Variants in ADAM12 observed in about 807,000 individuals in gnomAD.
ADAM12 encodes ADAM metallopeptidase domain 12.
Under a neutral mutation model 106.4 loss-of-function variants are expected in ADAM12, and 70 were observed. The ratio of observed to expected loss-of-function variants is 0.66; its 90% CI spans 0.54 to 0.80. The LOEUF is 0.80. Among genes scored for constraint, ADAM12 ranks in the 30% least tolerant of loss-of-function variants. The pLI, the probability that ADAM12 is intolerant of heterozygous loss-of-function variation, is 0.00. For missense variants in ADAM12, 1,010 were observed against 1,171.9 expected (o/e 0.86, Z 2.02); for synonymous variants, 420 against 433.5 (o/e 0.97, Z 0.39).
rs1044122 is a variant in ADAM12 at position 126,036,209 on chromosome 10, A to G, written c.2466T>C (p.Ala822=). ...TGGCAGGGACGCTAGGTGCACGTGG[A>G]GCCCGGTGGAGGGGAGGAAGCACTC... ...TQRVLPPLHR[A]PRAPSVPARP... is the part of the protein sequence containing the mutation. The change falls in exon 21 of 23, where the codon GCT becomes GCC. Residue 822 remains alanine, a synonymous_variant. Coordinates refer to ENST00000448723, the MANE Select transcript of ADAM12 (RefSeq NM_001288973.2). The G allele has an allele frequency of 0.27, 423,335 of 1,543,738 alleles. 60,376 individuals are homozygous for G. The highest frequency in any genetic ancestry group is 0.42 in the East Asian group (16,449 of 39,256).
intron 3 of ADAM12, among the ~76,000 whole-genome samples, chr10:126,202,996 T>C (rs748944888): frequency 1.3e-5 from 2 of 152,188 alleles, no homozygotes; most frequent in Non-Finnish European, 2.9e-5. Flanking sequence ...ACAGGGGAAA[T>C]TGTGTACAAA....
chr10:126,297,388 T>G (rs1960428766), intron 2 of ADAM12, among the ~76,000 whole-genome samples: 1 of 152,010 alleles, frequency 6.6e-6, no homozygotes, highest in South Asian at 2.1e-4. Flanking sequence ...ACAAAAAATT[T>G]TAAAAAATAT....
chr10:126,358,809 C>A (rs1002467090), intron 1 of ADAM12, among the ~76,000 whole-genome samples: 5 of 151,866 alleles, frequency 3.3e-5, no homozygotes, highest in Non-Finnish European at 7.4e-5. Flanking sequence ...TTGCAGGATA[C>A]AAAATAAACA....
At chr10:126,312,036 G>C (rs1260195672) in intron 2 of ADAM12, among the ~76,000 whole-genome samples, 1 of 150,574 alleles carries the variant, frequency 6.6e-6, no homozygotes, top group Non-Finnish European at 1.5e-5. Flanking sequence ...GGAACCCTTT[G>C]CCTGTGGGGT....
intron 21 of ADAM12, among the ~76,000 whole-genome samples, chr10:126,031,712 A>G (rs1056979967): frequency 1.3e-5 from 2 of 151,860 alleles, no homozygotes; most frequent in Admixed American, 6.5e-5. Flanking sequence ...GTCTTGTGTT[A>G]TAAAATATTA....
chr10:126,323,944 C>T (rs1263541237), intron 2 of ADAM12, among the ~76,000 whole-genome samples: 2 of 152,134 alleles, frequency 1.3e-5, no homozygotes, highest in African/African-American at 4.8e-5. Flanking sequence ...TCATGATATC[C>T]AACAGAAAGA....
chr10:126,251,173 C>T (rs916882249), intron 3 of ADAM12, among the ~76,000 whole-genome samples: 5 of 152,194 alleles, frequency 3.3e-5, no homozygotes, highest in South Asian at 2.1e-4. Context: ...GCGTGTCCAT[C>T]GGTTCTTTTT....
intron 11 of ADAM12, among the ~76,000 whole-genome samples, chr10:126,077,586 C>A (rs1955126845): frequency 6.6e-6 from 1 of 152,002 alleles, no homozygotes; most frequent in Non-Finnish European, 1.5e-5. Flanking sequence ...CAGAAATAAA[C>A]CCCGACACCT....
intron 3 of ADAM12, among the ~76,000 whole-genome samples, chr10:126,205,280 T>C (rs1957775022): frequency 1.3e-5 from 2 of 151,808 alleles, no homozygotes; most frequent in Admixed American, 1.3e-4. Flanking sequence ...CTTTTAGCAG[T>C]TTGAGTTGGT....
intron 3 of ADAM12, among the ~76,000 whole-genome samples, chr10:126,261,729 T>C (rs576787008): frequency 6.6e-6 from 1 of 151,524 alleles, no homozygotes; most frequent in Non-Finnish European, 1.5e-5. Flanking sequence ...TGTCCAAATG[T>C]AAAAAACGAA....
At chr10:126,293,836 G>T (rs761187076) in intron 2 of ADAM12, among the ~76,000 whole-genome samples, 2 of 151,982 alleles carry the variant, frequency 1.3e-5, no homozygotes, top group Non-Finnish European at 1.5e-5. Context: ...CTTCCACAAG[G>T]CCCCTTCAGA....
In ADAM12 at chr10:126,135,660, C is replaced by A; in HGVS notation, c.340G>T (p.Gly114Cys). 6.2e-7 allele frequency: 1 copy of A among 1,613,496 alleles called. No individual in the cohort carries two copies. Among genetic ancestry groups the A allele is most frequent in the Non-Finnish European group, 8.5e-7 (1 of 1,179,512 alleles). Reference sequence around the variant, plus strand: ...ACATGTCCATGGTAGTAACAGTGACCCTAAAGGGGAGGAGGAGAGAATCCC... The same window carrying A: ...ACATGTCCATGGTAGTAACAGTGACACTAAAGGGGAGGAGGAGAGAATCCC... ...TDVSLARNYT[G>C]HCYYHGHVRG... is the part of the protein sequence containing the mutation. The change falls in exon 5 of 23, where the codon GGT (glycine) becomes TGT (cysteine). Residue 114 changes from glycine to cysteine, a missense_variant and splice_region_variant. Gly to Cys is a radical substitution (Grantham distance 159, BLOSUM62 -3). This residue lies in a region of ADAM12 where 391 missense variants were observed against 442.9 expected (regional missense o/e 0.88). Transcript: ENST00000448723.
At chr10:126,226,100 T>G (rs1265959618) in intron 3 of ADAM12, among the ~76,000 whole-genome samples, 1 of 151,206 alleles carries the variant, frequency 6.6e-6, no homozygotes, top group South Asian at 2.1e-4. Context: ...GCCAGGATGG[T>G]GCTCTAGGCA....
At chr10:126,317,515 A>C (rs2133827640) in intron 2 of ADAM12, among the ~76,000 whole-genome samples, 1 of 152,350 alleles carries the variant, frequency 6.6e-6, no homozygotes, top group South Asian at 2.1e-4. Flanking sequence ...AATTTCAAGT[A>C]ATTAGCAGAA....
chr10:126,135,737 GT>G, intron 4 of ADAM12, 77 bp from the exon 5 acceptor site: 1 of 1,235,926 alleles, frequency 8.1e-7, no homozygotes, highest in African/African-American at 1.5e-5. Context: ...ACTGCCTCTT[GT>G]TTTTAACTAT....
intron 3 of ADAM12, among the ~76,000 whole-genome samples, chr10:126,161,035 C>A (rs1956922804): frequency 6.6e-6 from 1 of 152,320 alleles, no homozygotes; most frequent in Middle Eastern, 3.4e-3. Context: ...GCCCCATCAC[C>A]ACTATTAGCC....
chr10:126,301,146 C>A (rs150105202), intron 2 of ADAM12, among the ~76,000 whole-genome samples: 1 of 152,016 alleles, frequency 6.6e-6, no homozygotes, highest in African/African-American at 2.4e-5. Flanking sequence ...AGGACAGTAC[C>A]CTCCCTCTCC....
intron 1 of ADAM12, among the ~76,000 whole-genome samples, chr10:126,342,303 T>C (rs140113606): frequency 1.3e-3 from 204 of 152,346 alleles, no homozygotes; most frequent in African/African-American, 4.5e-3. Context: ...TTTCTAGCCA[T>C]TGACTTTGGC....
At chr10:126,101,023 G>A (rs201007405) in intron 9 of ADAM12, 49 bp downstream of exon 9, 4 of 1,598,740 alleles carry the variant, frequency 2.5e-6, no homozygotes, top group Non-Finnish European at 2.6e-6. Context: ...GAAGGGCTTC[G>A]CCGAGAGCAC....
Sources: allele counts gnomAD v4.1 joint callset (sites outside exome capture counted in the v4.1 genomes callset), GRCh38; gene constraint gnomAD v4.1.1; regional missense constraint gnomAD v4.1.1; transcripts MANE v1.5; gene names NCBI Gene and HGNC (gene_info 2026-07-23, HGNC 2026-07-21).